Variants in ME1 observed in about 807,000 individuals in gnomAD.
ME1 encodes the protein NADP-dependent malic enzyme.
A neutral mutation model predicts 66.4 loss-of-function variants in ME1; 74 were observed. The observed-to-expected ratio is 1.11, with a 90% CI of 0.92 to 1.35. The LOEUF (loss-of-function observed/expected upper bound fraction) is 1.35. ME1 is among the 40% of genes most tolerant of loss of function. ME1 has a pLI of 0.00. For synonymous variants in ME1, 251 were observed against 235.6 expected (o/e 1.07, Z -0.60); for missense variants, 750 against 694.1 (o/e 1.08, Z -0.90).
chr6:83,389,963 G>A (rs1583413220), intron 3 of ME1, among the ~76,000 whole-genome samples: 1 of 152,104 alleles, frequency 6.6e-6, no homozygotes, highest in East Asian at 1.9e-4. Context: ...TCTTAAAAAT[G>A]ATTATCTATG....
chr6:83,239,646 G>A lies in ME1; in HGVS notation c.815-10C>T, dbSNP rs1223047321. ...GCAACAGATGCTGTTCCTGAAACAAGTAATAAATATCCTTGAGTAATCCTC... is the reference window on the plus strand; with the variant it reads ...GCAACAGATGCTGTTCCTGAAACAAATAATAAATATCCTTGAGTAATCCTC... On this transcript the variant is annotated splice_polypyrimidine_tract_variant and intron_variant, in intron 7 of 13. Transcript: ENST00000369705. 1.9e-6 allele frequency: 3 copies of A among 1,591,684 alleles called. No homozygotes were observed. Among genetic ancestry groups the A allele is most frequent in the South Asian group, 2.2e-5 (2 of 90,572 alleles).
At chr6:83,242,014 C>T (rs192352869) in intron 7 of ME1, among the ~76,000 whole-genome samples, 9 of 152,078 alleles carry the variant, frequency 5.9e-5, no homozygotes, top group African/African-American at 2.2e-4. Context: ...AGGCACCCAC[C>T]ACCATGCCTG....
Position 83,295,225 on chromosome 6 carries a change from G to C in ME1, c.704+20085C>G, listed in dbSNP as rs565685495. On this transcript the variant is annotated intron_variant, in intron 6 of 13. Coordinates refer to ENST00000369705, the MANE Select transcript of ME1 (RefSeq NM_002395.6). Reference sequence around the variant, plus strand: ...GCTAGAAATAAAGACTCTGCACAAAGGCTCAGCCCTCTAGAGACATCTAGA... The same window carrying C: ...GCTAGAAATAAAGACTCTGCACAAACGCTCAGCCCTCTAGAGACATCTAGA... Among the ~76,000 whole-genome samples, 39 of 152,266 alleles carry C rather than the reference G, an allele frequency of 2.6e-4. No individual in the cohort carries two copies. The South Asian group carries it at 7.7e-3, about 30-fold the overall frequency.
chr6:83,348,402 A>G (rs1436394832), intron 4 of ME1, among the ~76,000 whole-genome samples: 1 of 152,170 alleles, frequency 6.6e-6, no homozygotes, highest in Non-Finnish European at 1.5e-5. Context: ...TGATCTTTAC[A>G]TAGGTAAAGT....
chr6:83,263,769 A>G (rs1766938362), intron 6 of ME1, among the ~76,000 whole-genome samples: 1 of 8,724 alleles, frequency 1.1e-4, no homozygotes, highest in Non-Finnish European at 2.1e-4. Flanking sequence ...ATAACATAAC[A>G]TAACATAACA....
chr6:83,268,127 T>G (rs1333288887), intron 6 of ME1, among the ~76,000 whole-genome samples: 1 of 152,180 alleles, frequency 6.6e-6, no homozygotes, highest in Non-Finnish European at 1.5e-5. Context: ...GCAGAACAGA[T>G]CAGGTCCCAG....
chr6:83,359,638 G>A (rs1170393922), intron 3 of ME1, among the ~76,000 whole-genome samples: 1 of 152,162 alleles, frequency 6.6e-6, no homozygotes, highest in East Asian at 1.9e-4. Flanking sequence ...TTGGTTTAAT[G>A]TAGAGGAAGG....
chr6:83,285,761 A>G (rs59651050), intron 6 of ME1, among the ~76,000 whole-genome samples: 8,702 of 152,294 alleles, frequency 0.057, 452 homozygotes, highest in African/African-American at 0.13. Flanking sequence ...TGAAACTTCT[A>G]TTGAATTCAC....
At chr6:83,396,109 T>C (rs904511506) in intron 3 of ME1, among the ~76,000 whole-genome samples, 2 of 151,996 alleles carry the variant, frequency 1.3e-5, no homozygotes, top group African/African-American at 4.8e-5. Flanking sequence ...GCCTGTACTT[T>C]GGGAGGCATT....
chr6:83,352,490 A>G (rs748275787), intron 3 of ME1, among the ~76,000 whole-genome samples: 8 of 152,230 alleles, frequency 5.3e-5, no homozygotes, highest in Non-Finnish European at 1.0e-4. Context: ...TATAATATAT[A>G]TAAAAGCACT....
intron 7 of ME1, among the ~76,000 whole-genome samples, chr6:83,245,267 T>A (rs1790596893): frequency 1.3e-5 from 2 of 151,970 alleles, no homozygotes; most frequent in African/African-American, 4.8e-5. Flanking sequence ...AAGACTGAAA[T>A]CAATTTAAAT....
intron 13 of ME1, among the ~76,000 whole-genome samples, chr6:83,214,213 T>C (rs573524073): frequency 3.9e-5 from 6 of 152,326 alleles, no homozygotes; most frequent in Middle Eastern, 6.8e-3. Flanking sequence ...ATTACTGACA[T>C]AGACTATGTG....
At chr6:83,272,756 A>C (rs993602353) in intron 6 of ME1, among the ~76,000 whole-genome samples, 3 of 152,218 alleles carry the variant, frequency 2.0e-5, no homozygotes, top group Admixed American at 6.5e-5. Flanking sequence ...TTATAGACTT[A>C]GCAGGTATAT....
intron 3 of ME1, among the ~76,000 whole-genome samples, chr6:83,389,207 A>C (rs1769572660): frequency 6.6e-6 from 1 of 152,140 alleles, no homozygotes; most frequent in Non-Finnish European, 1.5e-5. Flanking sequence ...TATTTATGAG[A>C]ATTTGCCTGT....
At chr6:83,360,322 T>C (rs1768983744) in intron 3 of ME1, among the ~76,000 whole-genome samples, 3 of 152,138 alleles carry the variant, frequency 2.0e-5, no homozygotes, top group South Asian at 2.1e-4. Flanking sequence ...ATCAGACATT[T>C]TGGGGACTAC....
At chr6:83,218,445 A>ACTTAAGCAGAGAAGAGAATGGG (rs1450077165) in intron 12 of ME1, among the ~76,000 whole-genome samples, 3 of 152,322 alleles carry the variant, frequency 2.0e-5, no homozygotes, top group East Asian at 3.9e-4. Flanking sequence ...AGGTATGTGT[A>ACTTAAGCAGAGAAGAGAATGGG]CTTAAGCAGA....
At chr6:83,344,720 A>G (rs182734575) in intron 5 of ME1, among the ~76,000 whole-genome samples, 3 of 152,014 alleles carry the variant, frequency 2.0e-5, no homozygotes, top group Non-Finnish European at 2.9e-5. Flanking sequence ...CCTCTTTACT[A>G]AAAATACAAA....
chr6:83,271,312 T>C (rs1767078348), intron 6 of ME1, among the ~76,000 whole-genome samples: 1 of 152,196 alleles, frequency 6.6e-6, no homozygotes, highest in South Asian at 2.1e-4. Flanking sequence ...AACCATTTTC[T>C]CTTTTCCTGG....
chr6:83,346,836 C>T (rs572420969), intron 4 of ME1, among the ~76,000 whole-genome samples: 2 of 152,320 alleles, frequency 1.3e-5, no homozygotes, highest in East Asian at 3.9e-4. Context: ...CCTATAATCA[C>T]TTGATATCTT....
Sources: gnomAD v4.1 joint callset for allele counts (sites outside exome capture counted in the v4.1 genomes callset) on GRCh38, gnomAD v4.1.1 for gene constraint, MANE v1.5 for transcripts, NCBI Gene and HGNC (gene_info 2026-07-23, HGNC 2026-07-21) for gene names.